Variants in TMX3 observed in about 807,000 individuals in gnomAD.
TMX3 encodes thioredoxin related transmembrane protein 3.
In TMX3, 40 loss-of-function variants were observed where a neutral mutation model predicts 64.4. The observed-to-expected ratio is 0.62, with a 90% confidence interval of 0.48 to 0.81. TMX3 has a LOEUF of 0.81. TMX3 is among the 30% of genes least tolerant of loss of function. The pLI is 0.00. For synonymous variants in TMX3, 189 were observed against 175.7 expected, an observed-to-expected ratio of 1.08 and a Z score of -0.60; for missense variants, 497 against 534.5, an observed-to-expected ratio of 0.93 and a Z score of 0.69.
At chr18:68,690,589 T>C (rs1358552384) in intron 9 of TMX3, among the ~76,000 whole-genome samples, 1 of 152,208 alleles carries the variant, frequency 6.6e-6, no homozygotes, top group Non-Finnish European at 1.5e-5. Context: ...ATGTGGTTTA[T>C]CTAAAAATAA....
chr18:68,700,952 C>G (rs1454934998), intron 5 of TMX3: 1 of 984,954 alleles, frequency 1.0e-6, no homozygotes, highest in African/African-American at 1.7e-5. Flanking sequence ...AAAAACAGCT[C>G]TTCTAGAAAC....
intron 5 of TMX3, chr18:68,700,705 A>G: frequency 5.1e-6 from 5 of 972,266 alleles, no homozygotes; most frequent in Non-Finnish European, 6.1e-6. Context: ...TTACATGAAA[A>G]TATCTTACTC....
At chr18:68,707,915 A>G (rs57212942) in intron 4 of TMX3, among the ~76,000 whole-genome samples, 12,985 of 150,402 alleles carry the variant, frequency 0.086, 1,596 homozygotes, top group African/African-American at 0.28. Flanking sequence ...CAACATATAT[A>G]TGTGTGTATA....
intron 15 of TMX3, among the ~76,000 whole-genome samples, chr18:68,677,820 T>C (rs1913065954): frequency 6.6e-6 from 1 of 152,056 alleles, no homozygotes; most frequent in Admixed American, 6.6e-5. Context: ...AAAAGATCAC[T>C]TTGGATTGAG....
rs1445199074 is a variant in TMX3, at chr18:68,714,993, A to C, written c.-12T>G. ...TTCCACGCTGCCATGCTAGCCCGGG[A>C]GAGCTGCAGAAGCTGACTGTGCAAA... On this transcript the variant is annotated 5_prime_UTR_variant, in exon 1 of 16. Transcript: ENST00000299608. The C allele has an allele frequency of 3.5e-5, 55 of 1,566,818 alleles. No individual in the cohort carries two copies. Among genetic ancestry groups the C allele is most frequent in the Non-Finnish European group, 4.2e-5 (49 of 1,156,440 alleles).
At chr18:68,685,653 G>A (rs1032594435) in intron 10 of TMX3, among the ~76,000 whole-genome samples, 4 of 152,100 alleles carry the variant, frequency 2.6e-5, no homozygotes, top group African/African-American at 9.7e-5. Flanking sequence ...CACACACTGG[G>A]CTGGTTCCGA....
intron 5 of TMX3, 65 bp downstream of exon 5, chr18:68,701,680 G>T (rs751789865): frequency 3.1e-6 from 5 of 1,602,962 alleles, no homozygotes; most frequent in Non-Finnish European, 4.3e-6. Flanking sequence ...AGAAATTAAC[G>T]TAATAAAATG....
chr18:68,715,002 G>A lies in TMX3; in HGVS notation c.-21C>T. ...GCCATGCTAGCCCGGGAGAGCTGCA[G>A]AAGCTGACTGTGCAAAAGAGGGATA... On this transcript the variant is annotated 5_prime_UTR_variant, in exon 1 of 16. Transcript: ENST00000299608. 2 of 1,562,860 alleles carry A rather than the reference G, an allele frequency of 1.3e-6. No homozygotes were observed. Among genetic ancestry groups the A allele is most frequent in the Non-Finnish European group, 1.7e-6 (2 of 1,154,072 alleles).
chr18:68,700,987 C>G, intron 5 of TMX3: 1 of 985,124 alleles, frequency 1.0e-6, no homozygotes. Context: ...AAAAGCCAAC[C>G]AATGAATTAA....
intron 9 of TMX3, 22 bp from the exon 10 acceptor site, chr18:68,687,787 A>G: frequency 1.3e-6 from 2 of 1,565,638 alleles, no homozygotes; most frequent in South Asian, 1.1e-5. Flanking sequence ...GACAAAGTTG[A>G]CAAATTACAG....
chr18:68,711,432 T>G (rs2031264283), intron 2 of TMX3, 29 bp from the exon 3 acceptor site: 1 of 1,519,990 alleles, frequency 6.6e-7, no homozygotes, highest in African/African-American at 1.4e-5. Flanking sequence ...AATGTTTGAT[T>G]GTATGTTTGT....
At position 68,715,072 on chromosome 18, in the gene TMX3, A is replaced by G; in HGVS notation, c.-91T>C. 6.5e-7 allele frequency: 1 copy of G among 1,543,466 alleles called. No individual in the cohort carries two copies. The highest frequency in any genetic ancestry group is 1.2e-5 in the South Asian group (1 of 83,582). On this transcript the variant is annotated 5_prime_UTR_variant, in exon 1 of 16. Coordinates refer to ENST00000299608, the MANE Select transcript of TMX3 (RefSeq NM_019022.5). ...CCTGCCCGCCCGGAAAGGGAAACGG[A>G]GCCGACCCGGAGCGGAAGAGAAGCA...
chr18:68,709,266 C>G (rs1014899570), intron 4 of TMX3, among the ~76,000 whole-genome samples: 1 of 152,102 alleles, frequency 6.6e-6, no homozygotes, highest in African/African-American at 2.4e-5. Context: ...CATGCTCTTT[C>G]CAAATTCTAT....
intron 4 of TMX3, 56 bp downstream of exon 4, chr18:68,709,965 C>G (rs1274502219): frequency 6.7e-7 from 1 of 1,489,994 alleles, no homozygotes; most frequent in Non-Finnish European, 8.9e-7. Flanking sequence ...AATACTGTTG[C>G]ATATAAATGT....
chr18:68,698,511 C>A (rs747496158), intron 6 of TMX3, among the ~76,000 whole-genome samples: 3 of 151,930 alleles, frequency 2.0e-5, no homozygotes, highest in Non-Finnish European at 4.4e-5. Flanking sequence ...TTTTTAAGTA[C>A]CCTATGGAGG....
At chr18:68,680,006 C>T (rs1031646848) in intron 14 of TMX3, among the ~76,000 whole-genome samples, 1 of 152,124 alleles carries the variant, frequency 6.6e-6, no homozygotes, top group Non-Finnish European at 1.5e-5. Context: ...TTTAAATTTC[C>T]AAGCTCTATG....
At chr18:68,713,810 T>G (rs1257618370) in intron 2 of TMX3, 36 bp downstream of exon 2, 2 of 1,109,698 alleles carry the variant, frequency 1.8e-6, no homozygotes, top group East Asian at 5.6e-5. Context: ...GTTGGACAGT[T>G]AAAATAATAT....
At chr18:68,713,978 G>C in intron 1 of TMX3, 78 bp from the exon 2 acceptor site, 1 of 1,059,332 alleles carries the variant, frequency 9.4e-7, no homozygotes, top group Non-Finnish European at 1.4e-6. Context: ...CATCTCTGAA[G>C]TGTTTTTGAC....
intron 2 of TMX3, among the ~76,000 whole-genome samples, chr18:68,712,779 A>C (rs2031419643): frequency 6.6e-6 from 1 of 151,992 alleles, no homozygotes; most frequent in Non-Finnish European, 1.5e-5. Context: ...TCCTGTAAAC[A>C]ATCAGTGAGC....
Sources: allele counts gnomAD v4.1 joint callset (sites outside exome capture counted in the v4.1 genomes callset), GRCh38; gene constraint gnomAD v4.1.1; transcripts MANE v1.5; gene names NCBI Gene and HGNC (gene_info 2026-07-23, HGNC 2026-07-21).